NRG1: variants seen among roughly 807,000 people sequenced by gnomAD.
NRG1 encodes pro-neuregulin-1, membrane-bound isoform.
In NRG1, 18 loss-of-function variants were observed where a neutral mutation model predicts 63.8. The ratio of observed to expected loss-of-function variants is 0.28; its 90% confidence interval spans 0.19 to 0.42. The LOEUF (loss-of-function observed/expected upper bound fraction) is 0.42. NRG1 is among the 10% of genes least tolerant of loss of function. NRG1 has a pLI of 1.00. For synonymous variants in NRG1, 302 were observed against 301.3 expected (o/e 1.00, Z -0.02); for missense variants, 762 against 814.7 (o/e 0.94, Z 0.79).
rs529949565 is a variant in NRG1 at position 31,992,050 on chromosome 8, T to C, written c.37+352619T>C. On this transcript the variant is annotated intron_variant, in intron 1 of 10. Transcript: ENST00000519301. ...GAGATAATTTGCTTTTAAAAGAAAA[T>C]GAGGCCAGGCTCAGTGGCTCATACC... 5.3e-5 allele frequency among the ~76,000 whole-genome samples: 8 copies of C among 151,898 alleles called. No homozygotes were observed. In the South Asian group the frequency reaches 1.5e-3, roughly 28 times the overall value.
At chr8:32,192,746 A>T (rs931838281) in intron 1 of NRG1, among the ~76,000 whole-genome samples, 1 of 152,204 alleles carries the variant, frequency 6.6e-6, no homozygotes, top group Admixed American at 6.5e-5. Flanking sequence ...AAACTTGAAA[A>T]AAATAAGTAA....
chr8:32,608,339 TA>T (rs796332834), intron 3 of NRG1, among the ~76,000 whole-genome samples: 104 of 146,460 alleles, frequency 7.1e-4, no homozygotes, highest in African/African-American at 1.5e-3. Flanking sequence ...CCTGGCTAAT[TA>T]AAAAAAAAAA....
intron 1 of NRG1, among the ~76,000 whole-genome samples, chr8:32,276,337 T>C (rs549705334): frequency 6.6e-6 from 1 of 152,340 alleles, no homozygotes; most frequent in South Asian, 2.1e-4. Context: ...TAACATGATG[T>C]TCTTCAAGCT....
At chr8:31,994,786 C>T (rs1438430631) in intron 1 of NRG1, among the ~76,000 whole-genome samples, 1 of 150,566 alleles carries the variant, frequency 6.6e-6, no homozygotes, top group Non-Finnish European at 1.5e-5. Flanking sequence ...TGAGTCATCT[C>T]ACAATTCTTT....
intron 1 of NRG1, among the ~76,000 whole-genome samples, chr8:32,099,101 T>C (rs1217804811): frequency 1.3e-5 from 2 of 152,126 alleles, no homozygotes; most frequent in African/African-American, 4.8e-5. Flanking sequence ...AATGGGCAAA[T>C]CAGCAAGATA....
At chr8:31,719,019 T>C (rs1225818282) in intron 1 of NRG1, among the ~76,000 whole-genome samples, 1 of 152,188 alleles carries the variant, frequency 6.6e-6, no homozygotes, top group Non-Finnish European at 1.5e-5. Flanking sequence ...TAATGCATAA[T>C]TGTCTTGAGA....
At chr8:31,928,649 T>TAC (rs35727947) in intron 1 of NRG1, among the ~76,000 whole-genome samples, 1,772 of 148,226 alleles carry the variant, frequency 0.012, 17 homozygotes, top group East Asian at 0.022. Context: ...TATATATATA[T>TAC]ACACACACAC....
chr8:31,646,586 A>T (rs1186390907), intron 1 of NRG1, among the ~76,000 whole-genome samples: 1 of 152,238 alleles, frequency 6.6e-6, no homozygotes, highest in Non-Finnish European at 1.5e-5. Flanking sequence ...AGCTAAAAAA[A>T]TTGAGGGCAT....
At chr8:32,471,116 TTATGTC>T (rs889331766) in intron 1 of NRG1, among the ~76,000 whole-genome samples, 1 of 152,230 alleles carries the variant, frequency 6.6e-6, no homozygotes, top group Non-Finnish European at 1.5e-5. Flanking sequence ...ATGGAGTCAT[TTATGTC>T]TATTGAAATA....
chr8:32,352,948 G>GTA (rs546280120), intron 1 of NRG1, among the ~76,000 whole-genome samples: 22,901 of 116,284 alleles, frequency 0.2, 1,905 homozygotes, highest in South Asian at 0.21. Context: ...ATGTGTGTGT[G>GTA]TATATATATA....
intron 1 of NRG1, among the ~76,000 whole-genome samples, chr8:31,844,609 G>T (rs1338797674): frequency 6.6e-6 from 1 of 152,168 alleles, no homozygotes; most frequent in African/African-American, 2.4e-5. Flanking sequence ...ACTGTCTGTT[G>T]TCAGCATTTT....
At chr8:31,842,951 A>G (rs1826330656) in intron 1 of NRG1, among the ~76,000 whole-genome samples, 1 of 152,182 alleles carries the variant, frequency 6.6e-6, no homozygotes, top group African/African-American at 2.4e-5. Flanking sequence ...CCAGACAATG[A>G]GAAATGGCTT....
At chr8:32,704,763 G>A (rs1815898654) in intron 5 of NRG1, among the ~76,000 whole-genome samples, 2 of 152,118 alleles carry the variant, frequency 1.3e-5, no homozygotes, top group East Asian at 1.9e-4. Flanking sequence ...AAAATGTAAT[G>A]TTCCTCAAGT....
intron 5 of NRG1, among the ~76,000 whole-genome samples, chr8:32,674,031 A>C (rs1806403465): frequency 6.6e-6 from 1 of 152,168 alleles, no homozygotes; most frequent in Non-Finnish European, 1.5e-5. Context: ...CTCCAGCTTT[A>C]TCCTAATATA....
At chr8:32,673,151 G>C (rs1806149685) in intron 5 of NRG1, among the ~76,000 whole-genome samples, 1 of 152,138 alleles carries the variant, frequency 6.6e-6, no homozygotes, top group Admixed American at 6.5e-5. Context: ...AGCCATTGGA[G>C]GATTCTAGCA....
intron 1 of NRG1, among the ~76,000 whole-genome samples, chr8:32,168,769 C>T (rs377704405): frequency 3.9e-5 from 6 of 152,316 alleles, no homozygotes; most frequent in African/African-American, 1.2e-4. Flanking sequence ...ATCTTATCAA[C>T]AAGGCCTTTG....
chr8:32,340,603 A>C (rs936266306), intron 1 of NRG1, among the ~76,000 whole-genome samples: 2 of 152,176 alleles, frequency 1.3e-5, no homozygotes, highest in Admixed American at 1.3e-4. Flanking sequence ...CAACAAGCTC[A>C]ACACTTTGTA....
rs528142602 is a variant in NRG1, at chr8:32,013,046, G to C, written c.37+373615G>C. Among the ~76,000 whole-genome samples the C allele has an allele frequency of 2.1e-4, 32 of 152,166 alleles. No homozygotes were observed. In the South Asian group the frequency reaches 6.6e-3, roughly 32 times the overall value. On this transcript the variant is annotated intron_variant, in intron 1 of 10. Coordinates refer to the NRG1 transcript ENST00000519301. ...ATTTTCAGTGAATGGCTAGACAGTA[G>C]GCATAAAAGCCAAACTGTCATCAGG...
chr8:32,361,784 C>T (rs1389581087), intron 1 of NRG1, among the ~76,000 whole-genome samples: 1 of 152,190 alleles, frequency 6.6e-6, no homozygotes, highest in Non-Finnish European at 1.5e-5. Context: ...AAAATCTTAA[C>T]ATGGCCACCC....
Sources: gnomAD v4.1 joint callset for allele counts (sites outside exome capture counted in the v4.1 genomes callset) on GRCh38, gnomAD v4.1.1 for gene constraint, MANE v1.5 for transcripts, NCBI Gene and HGNC (gene_info 2026-07-23, HGNC 2026-07-21) for gene names.